Variants in PDE3A observed in about 807,000 individuals in gnomAD.
The protein encoded by PDE3A is cGMP-inhibited 3',5'-cyclic phosphodiesterase 3A.
A neutral mutation model predicts 98.3 loss-of-function variants in PDE3A; 43 were observed. The ratio of observed to expected loss-of-function variants is 0.44; its 90% confidence interval spans 0.34 to 0.56. PDE3A has a LOEUF of 0.56. Among genes scored for constraint, PDE3A ranks in the 20% least tolerant of loss-of-function variants. PDE3A has a pLI of 0.01. For missense variants in PDE3A, 1,427 were observed against 1,440.7 expected (o/e 0.99, Z 0.15); for synonymous variants, 663 against 567.9 (o/e 1.17, Z -2.38).
intron 1 of PDE3A, among the ~76,000 whole-genome samples, chr12:20,422,460 T>G (rs1331360893): frequency 6.6e-6 from 1 of 152,200 alleles, no homozygotes; most frequent in African/African-American, 2.4e-5. Flanking sequence ...GAATGGAATC[T>G]AATATGAAGT....
chr12:20,613,421 C>T (rs558320345), intron 2 of PDE3A, 22 bp from the exon 3 acceptor site: 2 of 1,613,016 alleles, frequency 1.2e-6, no homozygotes, highest in Non-Finnish European at 1.7e-6. Context: ...CTTGCCTGAT[C>T]TTGTCTTGGT....
chr12:20,484,267 A>G (rs1945682429), intron 1 of PDE3A, among the ~76,000 whole-genome samples: 1 of 152,152 alleles, frequency 6.6e-6, no homozygotes, highest in African/African-American at 2.4e-5. Context: ...TATCTCTTAA[A>G]AGTATGCTAT....
At chr12:20,393,003 T>C (rs557930271) in intron 1 of PDE3A, among the ~76,000 whole-genome samples, 13 of 152,026 alleles carry the variant, frequency 8.6e-5, no homozygotes, top group African/African-American at 2.9e-4. Context: ...TGAAGACATT[T>C]GGTTAATGGA....
intron 1 of PDE3A, among the ~76,000 whole-genome samples, chr12:20,517,578 G>T (rs896175563): frequency 6.6e-6 from 1 of 152,098 alleles, no homozygotes; most frequent in African/African-American, 2.4e-5. Context: ...GAGTATTTGT[G>T]ATTTAGTTCT....
At chr12:20,468,075 G>A (rs1166232575) in intron 1 of PDE3A, among the ~76,000 whole-genome samples, 2 of 141,714 alleles carry the variant, frequency 1.4e-5, no homozygotes, top group Admixed American at 1.5e-4. Context: ...TGTCCCATAT[G>A]TTTAAACAAA....
intron 1 of PDE3A, among the ~76,000 whole-genome samples, chr12:20,439,840 A>G (rs1257823452): frequency 1.3e-5 from 2 of 152,170 alleles, no homozygotes; most frequent in Non-Finnish European, 2.9e-5. Context: ...AGGATATTGC[A>G]TAAGTCAGTC....
rs1945205779 is a variant in PDE3A, at chr12:20,662,725, T to C, written c.3184+8520T>C. On this transcript the variant is annotated intron_variant, in intron 15 of 15. Coordinates refer to ENST00000359062, the MANE Select transcript of PDE3A (RefSeq NM_000921.5). ...AAAGACATGGTTTGGAATTGGAACTTATCTTTAAGAGGGAAGCTGAGCATA... is the reference window on the plus strand; with the variant it reads ...AAAGACATGGTTTGGAATTGGAACTCATCTTTAAGAGGGAAGCTGAGCATA... Among the ~76,000 whole-genome samples the C allele has an allele frequency of 2.0e-5, 3 of 152,198 alleles. No individual in the cohort carries two copies. In the South Asian group the frequency reaches 6.2e-4, roughly 32 times the overall value.
intron 1 of PDE3A, among the ~76,000 whole-genome samples, chr12:20,513,487 T>C (rs1946264277): frequency 6.6e-6 from 1 of 152,192 alleles, no homozygotes; most frequent in Non-Finnish European, 1.5e-5. Flanking sequence ...ATATACTTTC[T>C]CTGGAGAAAG....
At position 20,607,436 on chromosome 12, in the gene PDE3A, CA is replaced by C. The variant is rs765702703; in HGVS notation, c.1012-5992del. On this transcript the variant is annotated intron_variant, in intron 2 of 15. Coordinates refer to ENST00000359062, the MANE Select transcript of PDE3A (RefSeq NM_000921.5). ...TGGGTGACAGAGTGAGACTCCGTCT[CA>C]AAAAAAAAAAAAAAGAAAAAAGAAA... Among the ~76,000 whole-genome samples the C allele has an allele frequency of 7.0e-3, 432 of 61,430 alleles. 1 individual carries two copies. Among genetic ancestry groups the C allele is most frequent in the African/African-American group, 0.019 (305 of 15,776 alleles). The allele number at this position is 61,430 out of a possible 152,430, so 40.3% of individuals were successfully genotyped here. A position where few individuals can be genotyped will look rare whatever the true frequency, so the allele number is the denominator to read the frequency against.
chr12:20,648,723 T>C lies in PDE3A; in HGVS notation c.2601T>C (p.Asn867=). 6.2e-7 allele frequency: 1 copy of C among 1,613,270 alleles called. No homozygotes were observed. Among genetic ancestry groups the C allele is most frequent in the Non-Finnish European group, 8.5e-7 (1 of 1,179,230 alleles). ...VLYNDRSVLE[N]HHAAAAWNLF... is the part of the protein sequence containing the mutation. ...ATAACGATCGTTCAGTTTTGGAGAA[T>C]CATCACGCAGCTGCTGCATGGAATC... is the stretch of plus-strand genomic sequence containing the variant. Residue 867 remains asparagine (N), a synonymous_variant, in exon 13 of 16, where the codon AAT becomes AAC. Transcript: ENST00000359062.
intron 1 of PDE3A, among the ~76,000 whole-genome samples, chr12:20,526,504 T>G (rs1161923767): frequency 6.6e-6 from 1 of 152,172 alleles, no homozygotes; most frequent in Non-Finnish European, 1.5e-5. Flanking sequence ...AAAAATAAAG[T>G]AATATGGGTA....
In PDE3A at chr12:20,657,062, C is replaced by A. The variant is rs549673387; in HGVS notation, c.3184+2857C>A. ...CATTATATTACAATTTAAAAATATC[C>A]CATCCACAATGATTTGATACTGTAG... On this transcript the variant is annotated intron_variant, in intron 15 of 15. Transcript: ENST00000359062. Among the ~76,000 whole-genome samples the A allele has an allele frequency of 1.6e-4, 24 of 152,208 alleles. No individual in the cohort carries two copies. The South Asian group carries it at 4.8e-3, about 30-fold the overall frequency.
intron 1 of PDE3A, chr12:20,371,347 G>C (rs756268847): frequency 3.1e-5 from 31 of 985,110 alleles, no homozygotes; most frequent in Non-Finnish European, 3.7e-5. Context: ...AAGTGGATTT[G>C]ACACTTGATG....
intron 1 of PDE3A, chr12:20,553,129 A>G: frequency 1.2e-6 from 1 of 815,236 alleles, no homozygotes; most frequent in Non-Finnish European, 1.9e-6. Context: ...TCCGTTCCCT[A>G]AAAAGGTTTG....
intron 1 of PDE3A, among the ~76,000 whole-genome samples, chr12:20,518,720 G>T (rs936457665): frequency 6.6e-6 from 1 of 152,122 alleles, no homozygotes; most frequent in African/African-American, 2.4e-5. Flanking sequence ...TGGTAAAAGA[G>T]TTAATAAATC....
intron 1 of PDE3A, among the ~76,000 whole-genome samples, chr12:20,500,086 C>T (rs1012341144): frequency 3.9e-5 from 6 of 152,142 alleles, no homozygotes; most frequent in African/African-American, 7.2e-5. Flanking sequence ...GTCTAGGTTT[C>T]CAGAGTTTCT....
At chr12:20,395,634 T>C (rs1944003183) in intron 1 of PDE3A, among the ~76,000 whole-genome samples, 2 of 146,934 alleles carry the variant, frequency 1.4e-5, no homozygotes, top group African/African-American at 5.0e-5. Context: ...ATATGTATAC[T>C]ATATATACAC....
chr12:20,390,457 GA>G lies in PDE3A; in HGVS notation c.960+20229del, dbSNP rs34930599. Among the ~76,000 whole-genome samples the G allele has an allele frequency of 8.4e-3, 1,077 of 127,538 alleles. 11 individuals are homozygous for G. Among genetic ancestry groups the G allele is most frequent in the Admixed American group, 0.03 (369 of 12,340 alleles). The allele number at this position is 127,538 out of a possible 152,430, so 83.7% of individuals were successfully genotyped here. On this transcript the variant is annotated intron_variant, in intron 1 of 15. Transcript: ENST00000359062. ...GTGGTGGGCAGGAAAGGTGATTTAA[GA>G]AAAAAAAAAAAAAAACTGCAGTTGG... is the stretch of plus-strand genomic sequence containing the variant.
At chr12:20,491,424 G>A (rs1436657665) in intron 1 of PDE3A, among the ~76,000 whole-genome samples, 1 of 152,146 alleles carries the variant, frequency 6.6e-6, no homozygotes, top group African/African-American at 2.4e-5. Flanking sequence ...TGTTTCAATG[G>A]GTTGTTGTCA....
Sources: allele counts gnomAD v4.1 joint callset (sites outside exome capture counted in the v4.1 genomes callset), GRCh38; gene constraint gnomAD v4.1.1; transcripts MANE v1.5; gene names NCBI Gene and HGNC (gene_info 2026-07-23, HGNC 2026-07-21).